The following YTHDC1 variants were observed in gnomAD, a reference collection of about 807,000 sequenced individuals.
YTHDC1 encodes YTH N6-methyladenosine RNA binding protein C1.
Under a neutral mutation model 107.0 loss-of-function variants are expected in YTHDC1, and 12 were observed. The observed-to-expected ratio is 0.11, with a 90% confidence interval of 0.07 to 0.18. The LOEUF (loss-of-function observed/expected upper bound fraction) is 0.18. Among genes scored for constraint, YTHDC1 ranks in the 10% least tolerant of loss-of-function variants. YTHDC1 has a pLI of 1.00. For missense variants in YTHDC1, 635 were observed against 898.8 expected, an observed-to-expected ratio of 0.71 and a Z score of 3.75; for synonymous variants, 280 against 289.5, an observed-to-expected ratio of 0.97 and a Z score of 0.33.
chr4:68,320,921 T>A (rs1050230961), intron 11 of YTHDC1, among the ~76,000 whole-genome samples: 4 of 152,150 alleles, frequency 2.6e-5, no homozygotes, highest in Admixed American at 2.0e-4. Flanking sequence ...AAAATAGGCT[T>A]TTATAAATTG....
At position 68,337,981 on chromosome 4, in the gene YTHDC1, T is replaced by C. The variant is rs983444535; in HGVS notation, c.131-81A>G. 7.3e-6 allele frequency: 11 copies of C among 1,509,910 alleles called. No individual in the cohort carries two copies. The African/African-American group carries it at 8.5e-5, about 12-fold the overall frequency. 93.5% of individuals were successfully genotyped at this position (1,509,910 alleles called of 1,614,324 possible). A position where few individuals can be genotyped will look rare whatever the true frequency, so the allele number is the denominator to read the frequency against. ...TTCACCAAAGACTGACAATAATATA[T>C]ACATCAGGAAGGGGGGATAGGCCTC... On this transcript the variant is annotated intron_variant, in intron 2 of 16. Transcript: ENST00000344157.
chr4:68,313,943 C>CT lies in YTHDC1; in HGVS notation c.*155dup. ...TTGAGTTTTTCCAGTTCTTATGATA[C>CT]TGCATGCTTGGAACAAAGGGGGTCA... On this transcript the variant is annotated 3_prime_UTR_variant, in exon 17 of 17. Coordinates refer to ENST00000344157, the MANE Select transcript of YTHDC1 (RefSeq NM_001031732.4). 4 of 797,828 alleles carry CT rather than the reference C, an allele frequency of 5.0e-6. No homozygotes were observed. Among genetic ancestry groups the CT allele is most frequent in the Non-Finnish European group, 8.0e-6 (4 of 500,840 alleles). The allele number at this position is 797,828 out of a possible 1,614,324, so 49.4% of individuals were successfully genotyped here. A position where few individuals can be genotyped will look rare whatever the true frequency, so the allele number is the denominator to read the frequency against.
chr4:68,332,052 C>T, intron 7 of YTHDC1, 51 bp downstream of exon 7: 1 of 1,207,028 alleles, frequency 8.3e-7, no homozygotes, highest in South Asian at 1.4e-5. Flanking sequence ...TCTATTTTCC[C>T]ATTTAAAAAT....
chr4:68,320,131 T>A lies in YTHDC1; in HGVS notation c.1676A>T (p.Gln559Leu). Residue 559 changes from glutamine to leucine, a missense_variant, in exon 12 of 17, where the codon CAG becomes CTG. Physicochemically the swap from Gln to Leu is moderately radical, Grantham distance 113. Transcript: ENST00000344157. ...GATTATAAAATATTAACCTGGTCTC[T>A]GGTGAAACTCAGGGGGATAGTCAAT... ...PRIDYPPEFH[Q>L]RPGYLKDPRY... The A allele has an allele frequency of 6.2e-7, 1 of 1,601,500 alleles. No individual in the cohort carries two copies. The highest frequency in any genetic ancestry group is 8.5e-7 in the Non-Finnish European group (1 of 1,174,714).
chr4:68,325,274 T>C (rs977692126), intron 9 of YTHDC1, among the ~76,000 whole-genome samples: 4 of 152,194 alleles, frequency 2.6e-5, no homozygotes, highest in African/African-American at 9.7e-5. Context: ...AGAAGATTTT[T>C]TTTTTGTTTT....
At chr4:68,341,019 C>A (rs957089441) in intron 1 of YTHDC1, among the ~76,000 whole-genome samples, 1 of 151,988 alleles carries the variant, frequency 6.6e-6, no homozygotes, top group African/African-American at 2.4e-5. Flanking sequence ...AAATATTAAC[C>A]AATGCTTACT....
At chr4:68,321,865 G>A (rs1241696833) in intron 11 of YTHDC1, among the ~76,000 whole-genome samples, 1 of 152,236 alleles carries the variant, frequency 6.6e-6, no homozygotes, top group African/African-American at 2.4e-5. Flanking sequence ...AGGGGAAGGT[G>A]TTGGGTAGAA....
At chr4:68,327,471 A>G (rs1488895327) in intron 9 of YTHDC1, among the ~76,000 whole-genome samples, 1 of 152,082 alleles carries the variant, frequency 6.6e-6, no homozygotes, top group East Asian at 1.9e-4. Flanking sequence ...CCAATCTTCC[A>G]TGTGCCTACC....
At chr4:68,330,587 T>C (rs1723466736) in intron 7 of YTHDC1, among the ~76,000 whole-genome samples, 1 of 152,150 alleles carries the variant, frequency 6.6e-6, no homozygotes, top group Non-Finnish European at 1.5e-5. Flanking sequence ...GAATTCTATA[T>C]AGTAAAACCA....
intron 1 of YTHDC1, among the ~76,000 whole-genome samples, chr4:68,341,227 T>C (rs1046031798): frequency 3.3e-5 from 5 of 152,048 alleles, no homozygotes; most frequent in Non-Finnish European, 5.9e-5. Context: ...GCTTTAGAAA[T>C]TGACAGTTAA....
At chr4:68,318,916 C>T (rs1228282837) in intron 12 of YTHDC1, 54 bp from the exon 13 acceptor site, 3 of 1,579,304 alleles carry the variant, frequency 1.9e-6, no homozygotes, top group African/African-American at 2.7e-5. Flanking sequence ...TCTTTTATGG[C>T]ATTATAATTA....
chr4:68,312,543 A>G lies in YTHDC1; in HGVS notation c.*1556T>C, dbSNP rs918264260. On this transcript the variant is annotated 3_prime_UTR_variant, in exon 17 of 17. Coordinates refer to ENST00000344157, the MANE Select transcript of YTHDC1 (RefSeq NM_001031732.4). ...TACTTTTTCCTCTCTACCACAATGC[A>G]GATTTAAAACAAATCCTCAGGCTTT... 1.3e-5 allele frequency: 2 copies of G among 152,234 alleles called. No individual in the cohort carries two copies. Among genetic ancestry groups the G allele is most frequent in the African/African-American group, 4.8e-5 (2 of 41,464 alleles). The allele number at this position is 152,234 out of a possible 1,614,324, so 9.4% of individuals were successfully genotyped here. A position where few individuals can be genotyped will look rare whatever the true frequency, so the allele number is the denominator to read the frequency against.
At chr4:68,326,350 G>C (rs1399758693) in intron 9 of YTHDC1, among the ~76,000 whole-genome samples, 1 of 151,968 alleles carries the variant, frequency 6.6e-6, no homozygotes, top group South Asian at 2.1e-4. Context: ...GGCAAAACAG[G>C]GCTCAGAATA....
chr4:68,334,610 T>C (rs1299003214), intron 4 of YTHDC1, among the ~76,000 whole-genome samples: 1 of 152,188 alleles, frequency 6.6e-6, no homozygotes, highest in Non-Finnish European at 1.5e-5. Flanking sequence ...AGTTCTGACA[T>C]GTTTCTTCTA....
At position 68,311,308 on chromosome 4, in the gene YTHDC1, C is replaced by CCATTATGGAGGAAAT. The variant is rs1251137978; in HGVS notation, c.*2776_*2790dup. ...AAATTAGACCATGCTTGAAAAAAAGCCATTATGGAGGAAATCATTATGGAG... is the reference window on the plus strand; with the variant it reads ...AAATTAGACCATGCTTGAAAAAAAGCCATTATGGAGGAAATCATTATGGAGGAAATCATTATGGAG... On this transcript the variant is annotated 3_prime_UTR_variant, in exon 17 of 17. Coordinates refer to ENST00000344157, the MANE Select transcript of YTHDC1 (RefSeq NM_001031732.4). The CCATTATGGAGGAAAT allele has an allele frequency of 1.3e-5, 2 of 151,962 alleles. No individual in the cohort carries two copies. Among genetic ancestry groups the CCATTATGGAGGAAAT allele is most frequent in the African/African-American group, 2.4e-5 (1 of 41,366 alleles). The allele number at this position is 151,962 out of a possible 1,614,324, so 9.4% of individuals were successfully genotyped here. A position where few individuals can be genotyped will look rare whatever the true frequency, so the allele number is the denominator to read the frequency against.
chr4:68,334,600 A>G (rs1342553070), intron 4 of YTHDC1, among the ~76,000 whole-genome samples: 3 of 152,174 alleles, frequency 2.0e-5, no homozygotes, highest in Non-Finnish European at 4.4e-5. Flanking sequence ...TTCTTTCAAA[A>G]GTTCTGACAT....
intron 16 of YTHDC1, 163 bp downstream of exon 16, chr4:68,316,151 G>A: frequency 1.3e-6 from 1 of 762,518 alleles, no homozygotes; most frequent in Non-Finnish European, 2.0e-6. Flanking sequence ...ATCCAAAGGG[G>A]CATAATCAGG....
At chr4:68,326,107 G>A (rs1722965813) in intron 9 of YTHDC1, among the ~76,000 whole-genome samples, 1 of 152,014 alleles carries the variant, frequency 6.6e-6, no homozygotes, top group Non-Finnish European at 1.5e-5. Flanking sequence ...AAAACCTACA[G>A]CCACCAAAAT....
chr4:68,311,608 T>C lies in YTHDC1; in HGVS notation c.*2491A>G, dbSNP rs940060659. ...ACTGACTCTTCTGTACAGAAAAAAA[T>C]CTTGCATTTTTTATACAATGTTCCG... On this transcript the variant is annotated 3_prime_UTR_variant, in exon 17 of 17. Coordinates refer to ENST00000344157, the MANE Select transcript of YTHDC1 (RefSeq NM_001031732.4). The C allele has an allele frequency of 2.0e-5, 3 of 152,248 alleles. No homozygotes were observed. Among genetic ancestry groups the C allele is most frequent in the Admixed American group, 2.0e-4 (3 of 15,298 alleles). 9.4% of individuals were successfully genotyped at this position (152,248 alleles called of 1,614,324 possible).
Sources: gnomAD v4.1 joint callset for allele counts (sites outside exome capture counted in the v4.1 genomes callset) on GRCh38, gnomAD v4.1.1 for gene constraint, MANE v1.5 for transcripts, NCBI Gene and HGNC (gene_info 2026-07-23, HGNC 2026-07-21) for gene names.